The following PARG variants were observed in gnomAD, a reference collection of about 807,000 sequenced individuals.
PARG encodes the protein mitochondrial poly(ADP-ribose) glycohydrolase.
A neutral mutation model predicts 113.0 loss-of-function variants in PARG; 35 were observed. The observed-to-expected ratio is 0.31, with a 90% CI of 0.24 to 0.41. The LOEUF is 0.41. PARG is among the 10% of genes least tolerant of loss of function. The pLI, the probability that PARG is intolerant of heterozygous loss-of-function variation, is 1.00. For synonymous variants in PARG, 330 were observed against 409.9 expected (o/e 0.81, Z 2.36); for missense variants, 797 against 1,169.4 (o/e 0.68, Z 4.64).
At chr10:49,838,277 C>T (rs1845044536) in intron 15 of PARG, among the ~76,000 whole-genome samples, 1 of 151,620 alleles carries the variant, frequency 6.6e-6, no homozygotes, top group African/African-American at 2.4e-5. Flanking sequence ...ATTAAAAATA[C>T]AAAAATAGCC....
At chr10:49,848,044 A>G (rs1190753986) in intron 13 of PARG, among the ~76,000 whole-genome samples, 7 of 152,174 alleles carry the variant, frequency 4.6e-5, no homozygotes, top group African/African-American at 1.7e-4. Flanking sequence ...TTTCATATAC[A>G]TACACATAAA....
chr10:49,859,135 A>C (rs1554835522), intron 12 of PARG, among the ~76,000 whole-genome samples: 2 of 145,872 alleles, frequency 1.4e-5, no homozygotes, highest in East Asian at 4.3e-4. Flanking sequence ...GCATAGCTGC[A>C]CAAGGACACA....
intron 10 of PARG, among the ~76,000 whole-genome samples, chr10:49,865,723 G>A (rs1554836782): frequency 6.7e-6 from 1 of 148,444 alleles, no homozygotes; most frequent in East Asian, 2.0e-4. Context: ...AAAAAAAAAA[G>A]CATTGAAAAA....
intron 4 of PARG, among the ~76,000 whole-genome samples, chr10:49,926,861 C>T (rs1838192663): frequency 6.6e-6 from 1 of 152,216 alleles, no homozygotes; most frequent in Non-Finnish European, 1.5e-5. Context: ...TTGGGGAGGT[C>T]AGGTTTTAAG....
intron 16 of PARG, among the ~76,000 whole-genome samples, chr10:49,820,722 C>CA (rs35420602): frequency 0.47 from 57,724 of 124,072 alleles, 14,268 homozygotes; most frequent in East Asian, 0.61. Flanking sequence ...GACTCCATCT[C>CA]AAAAAAAAAA....
intron 7 of PARG, among the ~76,000 whole-genome samples, chr10:49,902,233 T>G (rs7921218): frequency 0.19 from 29,108 of 152,188 alleles, 3,313 homozygotes; most frequent in Non-Finnish European, 0.27. Context: ...ATACACCTAA[T>G]TTTATTCAAC....
At chr10:49,820,780 G>A (rs1037194521) in intron 16 of PARG, among the ~76,000 whole-genome samples, 12 of 151,756 alleles carry the variant, frequency 7.9e-5, no homozygotes, top group African/African-American at 2.9e-4. Flanking sequence ...CTAGTTGTGT[G>A]GCTTTTCAGA....
At chr10:49,865,479 A>ACACACATACACACC in intron 10 of PARG, 98 bp from the exon 11 acceptor site, 1 of 526,366 alleles carries the variant, frequency 1.9e-6, no homozygotes. Flanking sequence ...ACACACACAC[A>ACACACATACACACC]CACACTCGGT....
intron 13 of PARG, among the ~76,000 whole-genome samples, chr10:49,851,781 C>CAA (rs782455561): frequency 0.015 from 1,225 of 81,932 alleles, 12 homozygotes; most frequent in African/African-American, 0.027. Flanking sequence ...TAAGAGAAGA[C>CAA]AAAAAAAAAA....
At chr10:49,822,629 A>T (rs1844159400) in intron 16 of PARG, among the ~76,000 whole-genome samples, 1 of 152,208 alleles carries the variant, frequency 6.6e-6, no homozygotes, top group African/African-American at 2.4e-5. Flanking sequence ...TCATTAACAG[A>T]TGCCAAATCT....
chr10:49,914,817 A>G (rs1449509770), intron 7 of PARG, among the ~76,000 whole-genome samples: 1 of 152,222 alleles, frequency 6.6e-6, no homozygotes, highest in Admixed American at 6.5e-5. Context: ...AAAAGGTGCC[A>G]AGACAATTCA....
At chr10:49,855,172 T>TA (rs1402363417) in intron 13 of PARG, among the ~76,000 whole-genome samples, 4 of 137,318 alleles carry the variant, frequency 2.9e-5, no homozygotes, top group Non-Finnish European at 4.7e-5. Flanking sequence ...ATAGAAATTA[T>TA]AAAAAATAAA....
chr10:49,894,864 G>C (rs1554842340), intron 7 of PARG, among the ~76,000 whole-genome samples: 2 of 152,312 alleles, frequency 1.3e-5, no homozygotes, highest in Non-Finnish European at 2.9e-5. Context: ...TCTGAAACCA[G>C]TTGTTGGTAG....
intron 1 of PARG, among the ~76,000 whole-genome samples, chr10:49,935,882 A>G (rs1249138962): frequency 0.07 from 10,607 of 152,226 alleles, 523 homozygotes; most frequent in African/African-American, 0.12. Context: ...CCACAAAGAG[A>G]AGCACAAAAA....
At chr10:49,896,515 C>T (rs1333884112) in intron 7 of PARG, among the ~76,000 whole-genome samples, 2 of 152,166 alleles carry the variant, frequency 1.3e-5, no homozygotes, top group Non-Finnish European at 2.9e-5. Context: ...GAACTCCTAA[C>T]CTCAGGTGAT....
intron 7 of PARG, among the ~76,000 whole-genome samples, chr10:49,911,747 T>A (rs1837198243): frequency 6.6e-6 from 1 of 152,186 alleles, no homozygotes; most frequent in South Asian, 2.1e-4. Flanking sequence ...CCTCTTGTGC[T>A]AGAGACCAGA....
In PARG at chr10:49,922,402, C is replaced by G. The variant is rs782460256; in HGVS notation, c.1596G>C (p.Ala532=). ...PVEDENGERT[A]GSRWELIQTA... is the part of the protein sequence containing the mutation. ...TCTGAATGAGCTCCCACCGGCTCCCCGCAGTTCGCTCACCATTCTTTTGGA... is the reference window on the plus strand; with the variant it reads ...TCTGAATGAGCTCCCACCGGCTCCCGGCAGTTCGCTCACCATTCTTTTGGA... Residue 532 remains alanine (A), a synonymous_variant, in exon 6 of 18, where the codon GCG becomes GCC. Coordinates refer to ENST00000616448, the MANE Select transcript of PARG (RefSeq NM_003631.5). 6 of 1,608,192 alleles carry G rather than the reference C, an allele frequency of 3.7e-6. No homozygotes were observed. Among genetic ancestry groups the G allele is most frequent in the Middle Eastern group, 2.2e-4 (1 of 4,448 alleles).
At chr10:49,855,851 C>T (rs1845958556) in intron 13 of PARG, among the ~76,000 whole-genome samples, 1 of 123,900 alleles carries the variant, frequency 8.1e-6, no homozygotes, top group Non-Finnish European at 1.8e-5. Flanking sequence ...AATAAAAAAT[C>T]CACTTTTTCA....
chr10:49,887,006 C>A (rs1236126587), intron 7 of PARG, among the ~76,000 whole-genome samples: 1 of 151,516 alleles, frequency 6.6e-6, no homozygotes, highest in Admixed American at 6.6e-5. Context: ...TATATTAATG[C>A]ATTTGTTTAA....
Sources: allele counts gnomAD v4.1 joint callset (sites outside exome capture counted in the v4.1 genomes callset), GRCh38; gene constraint gnomAD v4.1.1; transcripts MANE v1.5; gene names NCBI Gene and HGNC (gene_info 2026-07-23, HGNC 2026-07-21).